Variants in NFATC3 observed in about 807,000 individuals in gnomAD.
The protein encoded by NFATC3 is nuclear factor of activated T cells 3.
NFATC3 carries 46 observed loss-of-function variants against 98.6 expected under a neutral mutation model. The ratio of observed to expected loss-of-function variants is 0.47; its 90% CI spans 0.37 to 0.60. The LOEUF (loss-of-function observed/expected upper bound fraction) is 0.60, where lower values mean the gene tolerates loss of function less well. Ranked by LOEUF, NFATC3 falls within the 20% of genes least tolerant of loss-of-function variation. The pLI, the probability that NFATC3 is intolerant of heterozygous loss-of-function variation, is 0.00. For synonymous variants in NFATC3, 512 were observed against 472.2 expected, an observed-to-expected ratio of 1.08 and a Z score of -1.09; for missense variants, 1,256 against 1,295.5, an observed-to-expected ratio of 0.97 and a Z score of 0.47.
intron 1 of NFATC3, among the ~76,000 whole-genome samples, chr16:68,098,910 T>C (rs929068864): frequency 4.6e-5 from 7 of 152,162 alleles, no homozygotes; most frequent in African/African-American, 1.7e-4. Context: ...CCACAGGAAG[T>C]TGTAAATAAA....
rs952835724 is a variant in NFATC3, at chr16:68,224,274, C to CTTTT, written c.3107-2059_3107-2056dup. ...AGTACTAACCACAGCTAAGCCAAAT[C>CTTTT]TTTTTTTTTTTTTTTTTTTTGAGAC... On this transcript the variant is annotated intron_variant, in intron 9 of 9. Transcript: ENST00000346183. 1.8e-3 allele frequency among the ~76,000 whole-genome samples: 218 copies of CTTTT among 121,646 alleles called. 8 individuals carry two copies. Among genetic ancestry groups the CTTTT allele is most frequent in the African/African-American group, 6.1e-3 (188 of 30,708 alleles). 79.8% of individuals were successfully genotyped at this position (121,646 alleles called of 152,430 possible). A position where few individuals can be genotyped will look rare whatever the true frequency, so the allele number is the denominator to read the frequency against.
rs776239766 is a variant in NFATC3 at position 68,122,405 on chromosome 16, T to C, written c.522T>C (p.Ser174=). 10 of 1,614,090 alleles carry C rather than the reference T, an allele frequency of 6.2e-6. No homozygotes were observed. Among genetic ancestry groups the C allele is most frequent in the Admixed American group, 5.0e-5 (3 of 60,022 alleles). The change falls in exon 2 of 10, where the codon AGT becomes AGC. Residue 174 remains serine (S), a synonymous_variant. Coordinates refer to ENST00000346183, the MANE Select transcript of NFATC3 (RefSeq NM_173165.3). ...PSPASSISSR[S]WFSDASSCES... is the part of the protein sequence containing the mutation. The stretch of plus-strand genomic sequence containing the variant: ...CTGCCAGCAGCATCTCTTCTAGGAG[T>C]TGGTTCTCTGATGCATCTTCTTGTG...
Position 68,150,852 on chromosome 16 carries a change from GTGTT to G in NFATC3, c.1402-7014_1402-7011del, listed in dbSNP as rs772067938. 6.3e-4 allele frequency among the ~76,000 whole-genome samples: 96 copies of G among 152,184 alleles called. 1 individual carries two copies. Among genetic ancestry groups the G allele is most frequent in the Non-Finnish European group, 1.1e-3 (78 of 68,014 alleles). The stretch of plus-strand genomic sequence containing the variant: ...CTCATGAGATCTGATGGCTTTGTAA[GTGTT>G]TGGTAGTTTTTCCTGTATTCATTCT... On this transcript the variant is annotated intron_variant, in intron 3 of 9. Coordinates refer to ENST00000346183, the MANE Select transcript of NFATC3 (RefSeq NM_173165.3).
At chr16:68,101,669 G>C (rs1188954717) in intron 1 of NFATC3, among the ~76,000 whole-genome samples, 2 of 151,878 alleles carry the variant, frequency 1.3e-5, no homozygotes, top group East Asian at 3.9e-4. Context: ...ATTTTTGATA[G>C]AGATGGGGTT....
At chr16:68,131,918 G>C (rs956287404) in intron 3 of NFATC3, among the ~76,000 whole-genome samples, 1 of 152,086 alleles carries the variant, frequency 6.6e-6, no homozygotes, top group Admixed American at 6.5e-5. Flanking sequence ...TGCTGGAGAA[G>C]AACCACCTCT....
intron 5 of NFATC3, among the ~76,000 whole-genome samples, chr16:68,169,670 G>A (rs998002939): frequency 3.3e-5 from 5 of 152,050 alleles, no homozygotes; most frequent in East Asian, 1.9e-4. Flanking sequence ...GCCAGGCGCC[G>A]TGGCTCATAA....
chr16:68,106,221 C>A (rs1490520321), intron 1 of NFATC3, among the ~76,000 whole-genome samples: 3 of 152,028 alleles, frequency 2.0e-5, no homozygotes, highest in Admixed American at 1.3e-4. Context: ...TTTTTGCAAA[C>A]ACCAGTTGTA....
At chr16:68,107,611 T>C (rs888487029) in intron 1 of NFATC3, among the ~76,000 whole-genome samples, 2 of 152,174 alleles carry the variant, frequency 1.3e-5, no homozygotes, top group East Asian at 1.9e-4. Flanking sequence ...TAGTCCCAGC[T>C]ACTTGGGAGG....
rs753403565 is a variant in NFATC3 at position 68,126,565 on chromosome 16, C to T, written c.1356C>T (p.Ser452=). The part of the protein sequence containing the change: ...HHRAHYETEG[S]RGAVKASTGG... ...GAGCCCATTATGAAACTGAAGGTAG[C>T]CGAGGGGCAGTAAAAGCATCTACTG... is the stretch of plus-strand genomic sequence containing the variant. The change falls in exon 3 of 10, where the codon AGC becomes AGT. Residue 452 remains serine, a synonymous_variant. Coordinates refer to ENST00000346183, the MANE Select transcript of NFATC3 (RefSeq NM_173165.3). 6.2e-7 allele frequency: 1 copy of T among 1,614,104 alleles called. No homozygotes were observed. The highest frequency in any genetic ancestry group is 8.5e-7 in the Non-Finnish European group (1 of 1,180,024).
intron 3 of NFATC3, among the ~76,000 whole-genome samples, chr16:68,138,278 A>G (rs2037554796): frequency 6.7e-6 from 1 of 148,948 alleles, no homozygotes; most frequent in African/African-American, 2.5e-5. Context: ...GACCTCAAGT[A>G]ATGCACCACC....
At chr16:68,151,765 C>T (rs2038334550) in intron 3 of NFATC3, among the ~76,000 whole-genome samples, 1 of 152,104 alleles carries the variant, frequency 6.6e-6, no homozygotes, top group South Asian at 2.1e-4. Flanking sequence ...TGATACTGTC[C>T]AAGTTAAGAA....
At chr16:68,121,402 G>A (rs1293598407) in intron 1 of NFATC3, among the ~76,000 whole-genome samples, 1 of 150,612 alleles carries the variant, frequency 6.6e-6, no homozygotes, top group Non-Finnish European at 1.5e-5. Context: ...ATTGAGCTGG[G>A]CACAGACGCT....
intron 1 of NFATC3, among the ~76,000 whole-genome samples, chr16:68,113,276 T>C (rs1421597439): frequency 6.6e-6 from 1 of 152,142 alleles, no homozygotes; most frequent in Non-Finnish European, 1.5e-5. Flanking sequence ...TTTTGTGGGA[T>C]CTTTTGTGTT....
intron 2 of NFATC3, 148 bp from the exon 3 acceptor site, chr16:68,126,300 A>C: frequency 1.6e-6 from 1 of 623,024 alleles, no homozygotes; most frequent in Middle Eastern, 4.5e-4. Flanking sequence ...CATAACCAGA[A>C]TTGTAACTTA....
chr16:68,108,674 G>A (rs894899827), intron 1 of NFATC3, among the ~76,000 whole-genome samples: 3 of 152,116 alleles, frequency 2.0e-5, no homozygotes, highest in Non-Finnish European at 4.4e-5. Flanking sequence ...GGGCAGTGTG[G>A]CTGTTTTCAC....
intron 7 of NFATC3, 126 bp downstream of exon 7, chr16:68,181,656 C>T (rs1003928209): frequency 1.4e-5 from 9 of 624,554 alleles, no homozygotes; most frequent in Non-Finnish European, 2.2e-5. Flanking sequence ...TTAGGCTGGG[C>T]ATGGTGGCTC....
At chr16:68,182,024 T>A (rs1330602057) in intron 7 of NFATC3, among the ~76,000 whole-genome samples, 2 of 152,168 alleles carry the variant, frequency 1.3e-5, no homozygotes, top group Non-Finnish European at 2.9e-5. Flanking sequence ...TAGTGTCTTC[T>A]TTTCTCCTTA....
In NFATC3 at chr16:68,226,558, A is replaced by T; in HGVS notation, c.*87A>T. ...TTGGGTTTCCAACTCTGCAGCCTTC[A>T]GGTCTGGGGCCAGGAGTGGGACCCA... On this transcript the variant is annotated 3_prime_UTR_variant, in exon 10 of 10. Coordinates refer to ENST00000346183, the MANE Select transcript of NFATC3 (RefSeq NM_173165.3). The T allele has an allele frequency of 7.1e-7, 1 of 1,398,930 alleles. No individual in the cohort carries two copies. Among genetic ancestry groups the T allele is most frequent in the South Asian group, 1.7e-5 (1 of 57,234 alleles). The allele number at this position is 1,398,930 out of a possible 1,614,324, so 86.7% of individuals were successfully genotyped here.
intron 9 of NFATC3, among the ~76,000 whole-genome samples, chr16:68,210,348 G>A (rs2041332380): frequency 6.6e-6 from 1 of 151,756 alleles, no homozygotes; most frequent in African/African-American, 2.4e-5. Context: ...GCCAGGTGCT[G>A]TGGTCCCAAA....
Sources: gnomAD v4.1 joint callset for allele counts (sites outside exome capture counted in the v4.1 genomes callset) on GRCh38, gnomAD v4.1.1 for gene constraint, MANE v1.5 for transcripts, NCBI Gene and HGNC (gene_info 2026-07-23, HGNC 2026-07-21) for gene names.